The following VOPP1 variants were observed in gnomAD, a reference collection of about 807,000 sequenced individuals.
VOPP1 encodes the protein WW domain binding protein VOPP1.
VOPP1 carries 8 observed loss-of-function variants against 23.5 expected under a neutral mutation model. The observed-to-expected ratio is 0.34, with a 90% CI of 0.20 to 0.61. VOPP1 has a LOEUF of 0.61. Among genes scored for constraint, VOPP1 ranks in the 20% least tolerant of loss-of-function variants. The pLI is 0.78. For synonymous variants in VOPP1, 83 were observed against 97.3 expected, an observed-to-expected ratio of 0.85 and a Z score of 0.86; for missense variants, 174 against 238.1, an observed-to-expected ratio of 0.73 and a Z score of 1.77.
intron 3 of VOPP1, among the ~76,000 whole-genome samples, chr7:55,494,895 G>C (rs973752409): frequency 3.9e-5 from 6 of 152,180 alleles, no homozygotes; most frequent in African/African-American, 1.4e-4. Context: ...CAGTGCTGGG[G>C]GTACGGGCTG....
At chr7:55,478,114 G>A (rs540627341) in intron 4 of VOPP1, among the ~76,000 whole-genome samples, 1 of 152,312 alleles carries the variant, frequency 6.6e-6, no homozygotes, top group South Asian at 2.1e-4. Context: ...GAGAAAGCAA[G>A]GACACTTCAT....
rs1043119944 is a variant in VOPP1 at position 55,492,515 on chromosome 7, G to A, written c.192-97C>T. On this transcript the variant is annotated intron_variant, in intron 3 of 4. Coordinates refer to ENST00000285279, the MANE Select transcript of VOPP1 (RefSeq NM_030796.5). ...GGCCTCATGCACTCCTCGGGGGTCC[G>A]GGACCAATGACTCCCAAATGCACGA... The A allele has an allele frequency of 1.1e-5, 15 of 1,354,840 alleles. 1 individual carries two copies. The highest frequency in any genetic ancestry group is 5.2e-5 in the East Asian group (2 of 38,136). The allele number at this position is 1,354,840 out of a possible 1,614,324, so 83.9% of individuals were successfully genotyped here. A position where few individuals can be genotyped will look rare whatever the true frequency, so the allele number is the denominator to read the frequency against.
At chr7:55,520,722 A>G (rs892778924) in intron 2 of VOPP1, among the ~76,000 whole-genome samples, 4 of 152,246 alleles carry the variant, frequency 2.6e-5, no homozygotes, top group Non-Finnish European at 4.4e-5. Flanking sequence ...GCTCAAGCTC[A>G]TAAGTCTGCT....
At chr7:55,435,761 C>T (rs1790807570), downstream of VOPP1, among the ~76,000 whole-genome samples, 1 of 152,224 alleles carries the variant, frequency 6.6e-6, no homozygotes, top group African/African-American at 2.4e-5. Context: ...TCTGACTGTT[C>T]CCAGCTCCCT....
intron 1 of VOPP1, chr7:55,552,898 A>G: frequency 1.6e-6 from 2 of 1,226,314 alleles, no homozygotes; most frequent in Non-Finnish European, 2.1e-6. Context: ...CTGAACCCGA[A>G]GAAAAAATTA....
chr7:55,485,131 A>G (rs948161808), intron 4 of VOPP1, among the ~76,000 whole-genome samples: 4 of 152,028 alleles, frequency 2.6e-5, no homozygotes, highest in Non-Finnish European at 5.9e-5. Context: ...CCTAAGTTAG[A>G]TCAAAGGTAA....
intron 2 of VOPP1, among the ~76,000 whole-genome samples, chr7:55,507,494 C>T (rs953587394): frequency 6.6e-6 from 1 of 152,094 alleles, no homozygotes; most frequent in South Asian, 2.1e-4. Context: ...TGGTCATATG[C>T]AAACACCCAA....
At chr7:55,487,548 C>A (rs1793231971) in intron 4 of VOPP1, among the ~76,000 whole-genome samples, 1 of 152,158 alleles carries the variant, frequency 6.6e-6, no homozygotes, top group Admixed American at 6.5e-5. Context: ...GTCTTGAGCT[C>A]TTGGCCTCAA....
At chr7:55,495,902 T>C (rs1359676682) in intron 3 of VOPP1, among the ~76,000 whole-genome samples, 1 of 152,216 alleles carries the variant, frequency 6.6e-6, no homozygotes, top group African/African-American at 2.4e-5. Flanking sequence ...ACTCAGATCT[T>C]CCAACAGCCT....
chr7:55,486,634 C>T lies in VOPP1; in HGVS notation c.328+5648G>A, dbSNP rs180814278. ...CCAAGTAAGACAGTTCCCACACCCA[C>T]ACCCCCTCACCCTGACCCTGATCAA... On this transcript the variant is annotated intron_variant, in intron 4 of 4. Coordinates refer to ENST00000285279, the MANE Select transcript of VOPP1 (RefSeq NM_030796.5). Among the ~76,000 whole-genome samples, 114 of 152,384 alleles carry T rather than the reference C, an allele frequency of 7.5e-4. 2 individuals are homozygous for T. In the East Asian group the frequency reaches 0.01, roughly 14 times the overall value.
At chr7:55,454,580 A>T (rs2129002364) in intron 4 of VOPP1, among the ~76,000 whole-genome samples, 1 of 152,334 alleles carries the variant, frequency 6.6e-6, no homozygotes, top group South Asian at 2.1e-4. Flanking sequence ...ATCCAGCAGC[A>T]CATCAAAAAG....
chr7:55,513,243 T>A (rs560032609), intron 2 of VOPP1, among the ~76,000 whole-genome samples: 2 of 152,166 alleles, frequency 1.3e-5, no homozygotes, highest in African/African-American at 4.8e-5. Context: ...CTTCCCATCA[T>A]CCCTACACAC....
intron 1 of VOPP1, among the ~76,000 whole-genome samples, chr7:55,543,569 ATTT>A (rs1797234033): frequency 6.6e-6 from 1 of 152,090 alleles, no homozygotes; most frequent in Non-Finnish European, 1.5e-5. Context: ...TATCCTCACC[ATTT>A]ATTTTCAGTC....
At chr7:55,493,313 T>A (rs942112239) in intron 3 of VOPP1, 3 of 152,228 alleles carry the variant, frequency 2.0e-5, no homozygotes, top group African/African-American at 7.2e-5. Flanking sequence ...AGGGGACCCA[T>A]GGAACTGTCC....
intron 2 of VOPP1, among the ~76,000 whole-genome samples, chr7:55,518,173 C>T (rs1024642259): frequency 5.3e-5 from 8 of 152,110 alleles, no homozygotes; most frequent in Non-Finnish European, 8.8e-5. Context: ...TTCGCAGTCA[C>T]GTCTTACAGA....
chr7:55,501,622 T>C (rs911842131), intron 2 of VOPP1, among the ~76,000 whole-genome samples: 1 of 152,236 alleles, frequency 6.6e-6, no homozygotes, highest in African/African-American at 2.4e-5. Flanking sequence ...CTAATTCTAC[T>C]ATATATTGTC....
At chr7:55,531,382 C>T (rs1046009068) in intron 1 of VOPP1, among the ~76,000 whole-genome samples, 4 of 148,226 alleles carry the variant, frequency 2.7e-5, no homozygotes, top group Non-Finnish European at 5.9e-5. Context: ...GGGAGTCTCG[C>T]TGTGTCGCCC....
intron 1 of VOPP1, among the ~76,000 whole-genome samples, chr7:55,538,967 G>C (rs1236102278): frequency 4.0e-5 from 6 of 150,050 alleles, no homozygotes; most frequent in Non-Finnish European, 1.5e-5. Context: ...TTTCTCTGTA[G>C]AGGGTCTAGG....
intron 4 of VOPP1, among the ~76,000 whole-genome samples, chr7:55,459,811 A>G (rs1791454378): frequency 6.6e-6 from 1 of 151,708 alleles, no homozygotes; most frequent in African/African-American, 2.4e-5. Flanking sequence ...CTTTTTTTTA[A>G]AACACGCACT....
Sources: allele counts gnomAD v4.1 joint callset (sites outside exome capture counted in the v4.1 genomes callset), GRCh38; gene constraint gnomAD v4.1.1; transcripts MANE v1.5; gene names NCBI Gene and HGNC (gene_info 2026-07-23, HGNC 2026-07-21).